LOC128462377: variants seen among roughly 807,000 people sequenced by gnomAD.
At chr16:89,388,225 C>T in the LOC128462377 span, among the ~76,000 whole-genome samples, 6 of 151,788 alleles carry the variant, frequency 4.0e-5, no homozygotes, top group Middle Eastern at 3.5e-3. Context: ...GACCTGACTC[C>T]GACGCAATCA....
the LOC128462377 span, among the ~76,000 whole-genome samples, chr16:89,385,178 GAGAAA>G: frequency 6.8e-6 from 1 of 146,450 alleles, no homozygotes; most frequent in African/African-American, 2.5e-5. Context: ...ACCCGGCCTT[GAGAAA>G]TGGTGTTTTT....
the LOC128462377 span, among the ~76,000 whole-genome samples, chr16:89,329,604 T>A: frequency 1.4e-5 from 2 of 138,948 alleles, no homozygotes; most frequent in East Asian, 2.1e-4. Flanking sequence ...AAAATTTTAA[T>A]TCCCATAGAA....
chr16:89,391,692 G>A, the LOC128462377 span, among the ~76,000 whole-genome samples: 1 of 152,184 alleles, frequency 6.6e-6, no homozygotes, highest in East Asian at 1.9e-4. Context: ...CAATCACTGA[G>A]AGGACAAGCT....
chr16:89,377,678 C>A, the LOC128462377 span, among the ~76,000 whole-genome samples: 2 of 152,132 alleles, frequency 1.3e-5, no homozygotes, highest in African/African-American at 2.4e-5. Context: ...GGGGTTCCCA[C>A]GACTCCCACC....
chr16:89,319,645 C>T, the LOC128462377 span, among the ~76,000 whole-genome samples: 3 of 152,354 alleles, frequency 2.0e-5, no homozygotes, highest in East Asian at 5.8e-4. Context: ...AACCACCACC[C>T]TCATCACAGT....
At chr16:89,396,491 A>G in the LOC128462377 span, among the ~76,000 whole-genome samples, 1 of 152,130 alleles carries the variant, frequency 6.6e-6, no homozygotes, top group Non-Finnish European at 1.5e-5. Flanking sequence ...CTCCATAATT[A>G]TATCAAAAAG....
the LOC128462377 span, among the ~76,000 whole-genome samples, chr16:89,378,474 C>A: frequency 6.6e-6 from 1 of 152,076 alleles, no homozygotes; most frequent in African/African-American, 2.4e-5. Flanking sequence ...TGAAGCCTAA[C>A]CACAAAAACC....
chr16:89,397,043 T>C, the LOC128462377 span, among the ~76,000 whole-genome samples: 1 of 152,098 alleles, frequency 6.6e-6, no homozygotes, highest in Admixed American at 6.6e-5. Flanking sequence ...TTTTAAAGAA[T>C]GTGCTGCTTA....
At chr16:89,395,885 G>A in the LOC128462377 span, 4 of 152,120 alleles carry the variant, frequency 2.6e-5, no homozygotes, top group African/African-American at 7.2e-5. Context: ...ACTACGTCCC[G>A]AGCACGCAGC....
chr16:89,379,162 C>T, the LOC128462377 span, among the ~76,000 whole-genome samples: 1 of 152,230 alleles, frequency 6.6e-6, no homozygotes, highest in African/African-American at 2.4e-5. Context: ...ATGCCTGCCC[C>T]GGCACACGGC....
chr16:89,417,149 T>A, the LOC128462377 span, among the ~76,000 whole-genome samples: 2 of 152,226 alleles, frequency 1.3e-5, no homozygotes, highest in Non-Finnish European at 2.9e-5. Flanking sequence ...TTCAGTCATA[T>A]GAAAGAAAGC....
chr16:89,410,945 T>C, the LOC128462377 span, among the ~76,000 whole-genome samples: 1 of 152,250 alleles, frequency 6.6e-6, no homozygotes, highest in Non-Finnish European at 1.5e-5. Context: ...CAGCTCCTGC[T>C]GCCAAAGTCA....
the LOC128462377 span, among the ~76,000 whole-genome samples, chr16:89,363,382 G>A: frequency 3.9e-5 from 6 of 152,030 alleles, no homozygotes; most frequent in African/African-American, 1.4e-4. Flanking sequence ...GCTAAATGAC[G>A]AGTTAATGGG....
chr16:89,350,781 C>T, the LOC128462377 span, among the ~76,000 whole-genome samples: 2 of 152,186 alleles, frequency 1.3e-5, no homozygotes, highest in African/African-American at 4.8e-5. Flanking sequence ...TCATGAGCAA[C>T]ATGATGCTCA....
chr16:89,398,201 C>T, the LOC128462377 span, among the ~76,000 whole-genome samples: 1 of 151,992 alleles, frequency 6.6e-6, no homozygotes, highest in Non-Finnish European at 1.5e-5. Context: ...CACTGTGAAA[C>T]AGCTGAAGAT....
chr16:89,338,832 C>T, the LOC128462377 span, among the ~76,000 whole-genome samples: 1 of 147,510 alleles, frequency 6.8e-6, no homozygotes, highest in Non-Finnish European at 1.5e-5. Flanking sequence ...CCAGGCAAAA[C>T]AATCATTTCC....
the LOC128462377 span, among the ~76,000 whole-genome samples, chr16:89,379,582 G>A: frequency 5.3e-5 from 8 of 152,194 alleles, no homozygotes; most frequent in African/African-American, 1.4e-4. Context: ...GGGCTCAAGT[G>A]ACACTTCTGC....
chr16:89,366,418 G>A, the LOC128462377 span, among the ~76,000 whole-genome samples: 1 of 152,266 alleles, frequency 6.6e-6, no homozygotes, highest in East Asian at 1.9e-4. Context: ...GCTTTCCACA[G>A]GGTTGAACTA....
At chr16:89,325,779 A>G in the LOC128462377 span, among the ~76,000 whole-genome samples, 156 of 152,262 alleles carry the variant, frequency 1.0e-3, no homozygotes, top group African/African-American at 3.7e-3. Flanking sequence ...AGGCCACACT[A>G]TGTCCTTGCA....
Sources: allele counts gnomAD v4.1 joint callset (sites outside exome capture counted in the v4.1 genomes callset), GRCh38; gene constraint gnomAD v4.1.1; transcripts MANE v1.5.